Variants in VPS52 observed in about 807,000 individuals in gnomAD.
VPS52 encodes the protein vacuolar protein sorting-associated protein 52 homolog.
In VPS52, 56 loss-of-function variants were observed where a neutral mutation model predicts 98.7. The ratio of observed to expected loss-of-function variants is 0.57; its 90% CI spans 0.46 to 0.71. The LOEUF (loss-of-function observed/expected upper bound fraction) is 0.71. Among genes scored for constraint, VPS52 ranks in the 30% least tolerant of loss-of-function variants. VPS52 has a pLI of 0.00. For missense variants in VPS52, 742 were observed against 925.9 expected (o/e 0.80, Z 2.58); for synonymous variants, 348 against 346.4 (o/e 1.00, Z -0.05).
At chr6:33,260,936 T>C (rs1763555663) in intron 17 of VPS52, among the ~76,000 whole-genome samples, 1 of 151,776 alleles carries the variant, frequency 6.6e-6, no homozygotes, top group Non-Finnish European at 1.5e-5. Flanking sequence ...GAGGCGGACG[T>C]TGCAGTGAGC....
intron 17 of VPS52, among the ~76,000 whole-genome samples, chr6:33,261,486 T>C (rs1341229218): frequency 6.7e-6 from 1 of 148,534 alleles, no homozygotes; most frequent in Non-Finnish European, 1.5e-5. Context: ...AAAAGAGAGA[T>C]AGTCTCTTCA....
chr6:33,270,351 T>A, intron 1 of VPS52, 68 bp from the exon 2 acceptor site: 1 of 1,431,086 alleles, frequency 7.0e-7, no homozygotes, highest in Non-Finnish European at 9.7e-7. Flanking sequence ...TAATTGGATA[T>A]CCCCAGTCCT....
At chr6:33,264,220 C>T in intron 14 of VPS52, 117 bp from the exon 15 acceptor site, 1 of 1,535,136 alleles carries the variant, frequency 6.5e-7, no homozygotes, top group African/African-American at 1.4e-5. Context: ...GTCCCTCCTA[C>T]CCACAGTGCA....
chr6:33,266,314 A>AT (rs1764305154), intron 12 of VPS52, among the ~76,000 whole-genome samples: 2 of 150,934 alleles, frequency 1.3e-5, no homozygotes, highest in East Asian at 3.9e-4. Flanking sequence ...CTAATTTTTC[A>AT]TTTTTTGTAG....
In VPS52 at chr6:33,251,864, T is replaced by C; in HGVS notation, c.1902A>G (p.Glu634=). ...ATTACCATATTTTCCTCATACCTTC[T>C]TCCCCTCGAAGTCGCTCAGCCTGTC... ...ERGQAERLRG[E]EARVTQLIRG... is the part of the protein sequence containing the mutation. Residue 634 remains glutamate (E), a synonymous_variant, in exon 18 of 20, where the codon GAA becomes GAG. Coordinates refer to ENST00000445902, the MANE Select transcript of VPS52 (RefSeq NM_022553.6). 6.2e-7 allele frequency: 1 copy of C among 1,613,554 alleles called. No homozygotes were observed. The highest frequency in any genetic ancestry group is 8.5e-7 in the Non-Finnish European group (1 of 1,180,026).
chr6:33,263,400 CACACACACACACACAG>C, intron 17 of VPS52, 68 bp downstream of exon 17: 1 of 1,302,352 alleles, frequency 7.7e-7, no homozygotes, highest in Non-Finnish European at 1.1e-6. Context: ...CACACACACA[CACACACACACACACAG>C]AGAGAGAGAG....
intron 16 of VPS52, 56 bp from the exon 17 acceptor site, chr6:33,263,605 G>A: frequency 6.2e-7 from 1 of 1,607,968 alleles, no homozygotes. Flanking sequence ...TTCACTTCAG[G>A]ATGTCCCCTT....
In VPS52 at chr6:33,266,548, G is replaced by A. The variant is rs752315425; in HGVS notation, c.1281+9C>T. 6 of 1,593,856 alleles carry A rather than the reference G, an allele frequency of 3.8e-6. No homozygotes were observed. The highest frequency in any genetic ancestry group is 5.1e-6 in the Non-Finnish European group (6 of 1,168,888). ...AGGTGTTGAATGGTACAGGAAACAG[G>A]AGTCTTACCAGGGTCATGCTGAGTG... is the stretch of plus-strand genomic sequence containing the variant. On this transcript the variant is annotated intron_variant, in intron 12 of 19. Transcript: ENST00000445902.
In VPS52 at chr6:33,267,306, G is replaced by T. The variant is rs1254911216; in HGVS notation, c.1007C>A (p.Pro336Gln). ...DTAKKGFFSK[P>Q]SLRSRNTIFT... ...AATGGTGTTCCTGCTGCGGAGCGAT[G>T]GCTTTGAGAAGAATCGTAAGATGGG... Residue 336 changes from proline (P) to glutamine (Q), a missense_variant, in exon 11 of 20, where the codon CCA (proline) becomes CAA (glutamine). Physicochemically the swap from Pro to Gln is moderately conservative, Grantham distance 76 (BLOSUM62 -1). Around this residue, in one of 2 missense-constraint regions of VPS52, gnomAD observed 590 missense variants for 793.3 expected, o/e 0.74. Transcript: ENST00000445902. The surrounding 1 kb of genome is among the most constrained non-coding windows in gnomAD (Gnocchi z 4.2). 1.9e-6 allele frequency: 3 copies of T among 1,591,870 alleles called. No homozygotes were observed. The highest frequency in any genetic ancestry group is 2.6e-6 in the Non-Finnish European group (3 of 1,169,526).
Position 33,268,370 on chromosome 6 carries a change from G to A in VPS52, c.699+129C>T. The stretch of plus-strand genomic sequence containing the variant: ...GGAAACCCAGAGAGACAAGAATGGG[G>A]CTGCCCAGAAAAGGCAGGGTGAAGT... On this transcript the variant is annotated intron_variant, in intron 7 of 19. Coordinates refer to ENST00000445902, the MANE Select transcript of VPS52 (RefSeq NM_022553.6). The surrounding 1 kb of genome is among the most constrained non-coding windows in gnomAD (Gnocchi z 4.0). 1 of 1,361,028 alleles carries A rather than the reference G, an allele frequency of 7.3e-7. No homozygotes were observed. Among genetic ancestry groups the A allele is most frequent in the South Asian group, 1.3e-5 (1 of 74,624 alleles). The allele number at this position is 1,361,028 out of a possible 1,614,324, so 84.3% of individuals were successfully genotyped here. A position where few individuals can be genotyped will look rare whatever the true frequency, so the allele number is the denominator to read the frequency against.
Position 33,271,807 on chromosome 6 carries a change from G to T in VPS52, c.-132C>A. On this transcript the variant is annotated 5_prime_UTR_variant, in exon 1 of 20. In the 5' UTR this introduces an upstream ATG that the reference lacks. Transcript: ENST00000445902. ...ATTTGAGTTAAGTTGTTTGACTCCA[G>T]CTGTCCCCTTTCAGCTCTAACCACT... The T allele has an allele frequency of 2.1e-6, 3 of 1,452,740 alleles. No individual in the cohort carries two copies. The highest frequency in any genetic ancestry group is 1.4e-5 in the African/African-American group (1 of 70,310). 90.0% of individuals were successfully genotyped at this position (1,452,740 alleles called of 1,614,324 possible). A position where few individuals can be genotyped will look rare whatever the true frequency, so the allele number is the denominator to read the frequency against.
intron 17 of VPS52, among the ~76,000 whole-genome samples, chr6:33,256,459 G>C (rs1289100392): frequency 1.9e-5 from 1 of 51,424 alleles, no homozygotes; most frequent in Non-Finnish European, 3.6e-5. Context: ...AGCAAAACCT[G>C]TCTCAAAAAA....
chr6:33,264,942 C>A, intron 12 of VPS52, 42 bp from the exon 13 acceptor site: 2 of 1,534,840 alleles, frequency 1.3e-6, no homozygotes, highest in Non-Finnish European at 1.8e-6. Context: ...AAGAGAATGT[C>A]AGTTTGTTGT....
At chr6:33,257,779 G>A (rs186972551) in intron 17 of VPS52, among the ~76,000 whole-genome samples, 24 of 152,262 alleles carry the variant, frequency 1.6e-4, no homozygotes, top group Admixed American at 1.3e-4. Flanking sequence ...AGGCTGATGC[G>A]GGAGGATCAC....
chr6:33,266,439 T>TA, intron 12 of VPS52, 118 bp downstream of exon 12: 3 of 1,346,118 alleles, frequency 2.2e-6, no homozygotes, highest in Non-Finnish European at 3.0e-6. Context: ...AGCCAAGGCT[T>TA]AGACATTTTA....
chr6:33,252,529 C>T (rs771377282), intron 17 of VPS52, among the ~76,000 whole-genome samples: 1 of 138,278 alleles, frequency 7.2e-6, no homozygotes, highest in Non-Finnish European at 1.5e-5. Flanking sequence ...GCGGAGGTTG[C>T]AGTGAGCAGA....
At position 33,267,170 on chromosome 6, in the gene VPS52, G is replaced by T; in HGVS notation, c.1125+18C>A. 1 of 1,474,888 alleles carries T rather than the reference G, an allele frequency of 6.8e-7. No homozygotes were observed. 91.4% of individuals were successfully genotyped at this position (1,474,888 alleles called of 1,614,324 possible). A position where few individuals can be genotyped will look rare whatever the true frequency, so the allele number is the denominator to read the frequency against. On this transcript the variant is annotated intron_variant, in intron 11 of 19. Transcript: ENST00000445902. This position sits in a 1 kb window ranked among gnomAD's most constrained non-coding sequence, Gnocchi z 4.2. Reference sequence around the variant, plus strand: ...GCTCAGAGCCTCTTTCGTGACTGAAGCTTGTTCCTCCTCATACCCTCTGCT... The same window carrying T: ...GCTCAGAGCCTCTTTCGTGACTGAATCTTGTTCCTCCTCATACCCTCTGCT...
In VPS52 at chr6:33,269,492, C is replaced by T. The variant is rs1485985620; in HGVS notation, c.370G>A (p.Glu124Lys). Residue 124 changes from glutamate to lysine, a missense_variant and splice_region_variant, in exon 5 of 20, where the codon GAG (glutamate) becomes AAG (lysine). Transcript: ENST00000445902. ...GGTCACAGGTCATGATTACTAACCTCCAGGACAGCATCACAGGCTGTGATC... is the reference window on the plus strand; with the variant it reads ...GGTCACAGGTCATGATTACTAACCTTCAGGACAGCATCACAGGCTGTGATC... ...NQITACDAVL[E>K]RMEQMLGAFQ... The T allele has an allele frequency of 1.2e-6, 2 of 1,613,274 alleles. No individual in the cohort carries two copies. Among genetic ancestry groups the T allele is most frequent in the Admixed American group, 1.7e-5 (1 of 60,004 alleles).
At chr6:33,271,465 G>C (rs961812036) in intron 1 of VPS52, 121 bp downstream of exon 1, 1 of 1,412,058 alleles carries the variant, frequency 7.1e-7, no homozygotes, top group African/African-American at 1.4e-5. Flanking sequence ...GGTACGGGGA[G>C]CCAAACAGGT....
Sources: allele counts gnomAD v4.1 joint callset (sites outside exome capture counted in the v4.1 genomes callset), GRCh38; gene constraint gnomAD v4.1.1; regional missense constraint gnomAD v4.1.1; non-coding constraint Gnocchi (gnomAD v3.1); transcripts MANE v1.5; gene names NCBI Gene and HGNC (gene_info 2026-07-23, HGNC 2026-07-21).